Variants in ZNF451 observed in about 807,000 individuals in gnomAD.
ZNF451 encodes the protein zinc finger protein 451, also known as E3 SUMO-protein ligase ZNF451.
Under a neutral mutation model 107.1 loss-of-function variants are expected in ZNF451, and 80 were observed. The ratio of observed to expected loss-of-function variants is 0.75; its 90% CI spans 0.62 to 0.90. The LOEUF is 0.90. Among genes scored for constraint, ZNF451 ranks in the 40% least tolerant of loss-of-function variants. The pLI, the probability that ZNF451 is intolerant of heterozygous loss-of-function variation, is 0.00. For synonymous variants in ZNF451, 362 were observed against 406.5 expected, an observed-to-expected ratio of 0.89 and a Z score of 1.32; for missense variants, 1,107 against 1,236.2, an observed-to-expected ratio of 0.90 and a Z score of 1.57.
intron 3 of ZNF451, among the ~76,000 whole-genome samples, chr6:57,111,014 G>T (rs1338405989): frequency 2.0e-5 from 3 of 151,846 alleles, no homozygotes; most frequent in African/African-American, 7.2e-5. Flanking sequence ...CCACCTCCCA[G>T]GTTCAAGCGA....
At chr6:57,107,768 T>C (rs1310307060) in intron 3 of ZNF451, 2 of 985,144 alleles carry the variant, frequency 2.0e-6, no homozygotes, top group Admixed American at 1.2e-4. Context: ...ATCTCTCAAG[T>C]TGTACTGTTT....
chr6:57,137,920 T>C (rs1182243170), intron 7 of ZNF451, among the ~76,000 whole-genome samples: 1 of 152,230 alleles, frequency 6.6e-6, no homozygotes, highest in African/African-American at 2.4e-5. Flanking sequence ...TATGGTAGCA[T>C]GTATCAGTAC....
chr6:57,144,568 A>T (rs1319928304), intron 9 of ZNF451, among the ~76,000 whole-genome samples: 1 of 152,132 alleles, frequency 6.6e-6, no homozygotes, highest in Non-Finnish European at 1.5e-5. Context: ...AAAGCTGTTT[A>T]AAAATGTTTT....
Position 57,148,452 on chromosome 6 carries a change from C to T in ZNF451, c.2367C>T (p.Ile789=). 1 of 1,613,970 alleles carries T rather than the reference C, an allele frequency of 6.2e-7. No individual in the cohort carries two copies. Among genetic ancestry groups the T allele is most frequent in the Non-Finnish European group, 8.5e-7 (1 of 1,179,952 alleles). ...KSDEEEQQYV[I]KCGTCTKAFH... ...ATGAGGAGGAGCAGCAGTATGTAATCAAGTGTGGCACCTGCACCAAAGCAT... is the reference window on the plus strand; with the variant it reads ...ATGAGGAGGAGCAGCAGTATGTAATTAAGTGTGGCACCTGCACCAAAGCAT... Residue 789 remains isoleucine (I), a synonymous_variant, in exon 10 of 15, where the codon ATC becomes ATT. Transcript: ENST00000370706.
At position 57,166,346 on chromosome 6, in the gene ZNF451, T is replaced by A. The variant is rs535453442; in HGVS notation, c.3140-2077T>A. 5.1e-4 allele frequency among the ~76,000 whole-genome samples: 78 copies of A among 152,142 alleles called. No homozygotes were observed. In the East Asian group the frequency reaches 0.012, roughly 23 times the overall value. Reference sequence around the variant, plus strand: ...CTGGCCTATACTACATTTAAAAAAATTTTTTTTTCTTCAGTAATCAGTTCA... The same window carrying A: ...CTGGCCTATACTACATTTAAAAAAAATTTTTTTTCTTCAGTAATCAGTTCA... On this transcript the variant is annotated intron_variant, in intron 14 of 14. Transcript: ENST00000370706.
chr6:57,143,296 G>A (rs993288397), intron 9 of ZNF451, among the ~76,000 whole-genome samples: 2 of 151,996 alleles, frequency 1.3e-5, no homozygotes, highest in African/African-American at 4.8e-5. Flanking sequence ...CTTAAAGAAT[G>A]TATTTTATTT....
chr6:57,166,086 T>C (rs1763883350), intron 14 of ZNF451, among the ~76,000 whole-genome samples: 1 of 151,912 alleles, frequency 6.6e-6, no homozygotes, highest in African/African-American at 2.4e-5. Context: ...GGAGTGCAGT[T>C]GTGTGATCTT....
chr6:57,097,029 C>T (rs1829362145), intron 2 of ZNF451, among the ~76,000 whole-genome samples: 1 of 152,050 alleles, frequency 6.6e-6, no homozygotes, highest in African/African-American at 2.4e-5. Context: ...CTCTGCCTCC[C>T]AAGGTGCTGG....
Position 57,134,646 on chromosome 6 carries a change from GT to G in ZNF451, c.576-97del, listed in dbSNP as rs2127967949. 4 of 1,022,272 alleles carry G rather than the reference GT, an allele frequency of 3.9e-6. No individual in the cohort carries two copies. The East Asian group carries it at 9.7e-5, about 25-fold the overall frequency. The allele number at this position is 1,022,272 out of a possible 1,614,324, so 63.3% of individuals were successfully genotyped here. On this transcript the variant is annotated intron_variant, in intron 6 of 14. Coordinates refer to ENST00000370706, the MANE Select transcript of ZNF451 (RefSeq NM_001031623.3). ...AGTAGAAAAGTGCAAAGTTCTGAAT[GT>G]GTGTGTATGTGTTTAGCTTCACAAA...
intron 3 of ZNF451, chr6:57,105,046 A>G (rs932127100): frequency 2.1e-5 from 21 of 985,116 alleles, no homozygotes; most frequent in Non-Finnish European, 2.5e-5. Context: ...TGATAATGTT[A>G]TAAAACTTAA....
chr6:57,099,261 GCTAAA>G (rs1829471407), intron 3 of ZNF451, 120 bp downstream of exon 3: 4 of 766,080 alleles, frequency 5.2e-6, no homozygotes, highest in Middle Eastern at 2.7e-4. Flanking sequence ...ATTAGAATGG[GCTAAA>G]ATAGGTAGTC....
intron 7 of ZNF451, among the ~76,000 whole-genome samples, chr6:57,137,459 C>T (rs896342064): frequency 1.3e-5 from 2 of 152,182 alleles, no homozygotes; most frequent in African/African-American, 4.8e-5. Context: ...CTCAAGATGT[C>T]TCAGGTGGAG....
At chr6:57,113,740 G>C (rs1017614334) in intron 3 of ZNF451, among the ~76,000 whole-genome samples, 4 of 151,172 alleles carry the variant, frequency 2.6e-5, no homozygotes, top group African/African-American at 4.9e-5. Context: ...TCCTGCCACA[G>C]CCTCCCGAGT....
intron 3 of ZNF451, among the ~76,000 whole-genome samples, chr6:57,110,857 A>G (rs1299584421): frequency 6.7e-6 from 1 of 150,212 alleles, no homozygotes; most frequent in Non-Finnish European, 1.5e-5. Flanking sequence ...TCAACTTCGT[A>G]TTCGTTTTTT....
chr6:57,104,524 T>A, intron 3 of ZNF451: 6 of 985,264 alleles, frequency 6.1e-6, no homozygotes, highest in Non-Finnish European at 7.2e-6. Context: ...AAGTTATGCC[T>A]GAGAATGCGT....
intron 13 of ZNF451, among the ~76,000 whole-genome samples, chr6:57,157,228 T>G (rs1318382388): frequency 6.6e-6 from 1 of 152,188 alleles, no homozygotes; most frequent in Non-Finnish European, 1.5e-5. Context: ...GTGGTTTTTA[T>G]TAGACTAAAG....
Position 57,128,830 on chromosome 6 carries a change from A to G in ZNF451, c.414A>G (p.Leu138=). The G allele has an allele frequency of 6.2e-7, 1 of 1,608,134 alleles. No individual in the cohort carries two copies. Among genetic ancestry groups the G allele is most frequent in the Non-Finnish European group, 8.5e-7 (1 of 1,177,572 alleles). Residue 138 remains leucine, a synonymous_variant, in exon 5 of 15, where the codon CTA becomes CTG. Transcript: ENST00000370706. ...EAARLCVDQW[L]KMPGLKTGTI... ...CAAGACTGTGTGTGGACCAGTGGCTAAAAATGCCAGGTATTCTTTAGAAAT... is the reference window on the plus strand; with the variant it reads ...CAAGACTGTGTGTGGACCAGTGGCTGAAAATGCCAGGTATTCTTTAGAAAT...
Position 57,148,222 on chromosome 6 carries a change from G to GT in ZNF451, c.2138dup (p.Ile714AsnfsTer5). ...AATTAAAACCGAAGATGATTTTCCA[G>GT]TAATAGAGACCAGTAACCAGTTAAC... On this transcript the variant is annotated frameshift_variant, in exon 10 of 15. Transcript: ENST00000370706. LOFTEE classifies it high-confidence loss of function. The GT allele has an allele frequency of 6.2e-7, 1 of 1,613,988 alleles. No homozygotes were observed. Among genetic ancestry groups the GT allele is most frequent in the Non-Finnish European group, 8.5e-7 (1 of 1,179,960 alleles).
chr6:57,151,927 T>TA (rs1832370643), intron 11 of ZNF451: 1 of 249,630 alleles, frequency 4.0e-6, no homozygotes, highest in African/African-American at 2.3e-5. Context: ...CACTTATGCT[T>TA]ACACTTATAG....
Sources: allele counts gnomAD v4.1 joint callset (sites outside exome capture counted in the v4.1 genomes callset), GRCh38; gene constraint gnomAD v4.1.1; transcripts MANE v1.5; gene names NCBI Gene and HGNC (gene_info 2026-07-23, HGNC 2026-07-21).